The following GRAMD1A variants were observed in gnomAD, a reference collection of about 807,000 sequenced individuals.
GRAMD1A encodes the protein protein Aster-A.
In GRAMD1A, 50 loss-of-function variants were observed where a neutral mutation model predicts 92.0. That is an observed-to-expected ratio of 0.54 (90% CI 0.43 to 0.69). The LOEUF is 0.69. Among genes scored for constraint, GRAMD1A ranks in the 30% least tolerant of loss-of-function variants. The pLI, the probability that GRAMD1A is intolerant of heterozygous loss-of-function variation, is 0.00. For missense variants in GRAMD1A, 819 were observed against 978.9 expected (o/e 0.84, Z 2.18); for synonymous variants, 405 against 403.6 (o/e 1.00, Z -0.04).
chr19:35,003,425 C>T (rs925250590), intron 1 of GRAMD1A, among the ~76,000 whole-genome samples: 7 of 152,272 alleles, frequency 4.6e-5, no homozygotes, highest in Admixed American at 3.9e-4. Context: ...CCCCCAGGCT[C>T]CTCCCTTCAC....
chr19:35,022,699 TCCC>T (rs1555718199), intron 16 of GRAMD1A, among the ~76,000 whole-genome samples, 198 bp from the exon 17 acceptor site: 2 of 152,030 alleles, frequency 1.3e-5, no homozygotes, highest in South Asian at 2.1e-4. Flanking sequence ...AGAAGCAGGA[TCCC>T]GGGGTTGAGC....
intron 1 of GRAMD1A, among the ~76,000 whole-genome samples, chr19:35,004,656 T>C (rs2014666888): frequency 6.7e-6 from 1 of 150,236 alleles, no homozygotes; most frequent in South Asian, 2.1e-4. Flanking sequence ...AAGGCTGGAG[T>C]TGAGGGTCAG....
chr19:35,017,947 CAG>C (rs2015762221), intron 11 of GRAMD1A, among the ~76,000 whole-genome samples: 1 of 152,152 alleles, frequency 6.6e-6, no homozygotes, highest in East Asian at 1.9e-4. Context: ...ATAGGCCTGA[CAG>C]AGTGGACATT....
chr19:35,012,648 T>C (rs2015321477), intron 7 of GRAMD1A, among the ~76,000 whole-genome samples: 1 of 152,232 alleles, frequency 6.6e-6, no homozygotes, highest in Non-Finnish European at 1.5e-5. Context: ...TTCCCCTTCC[T>C]GGGACTCCGT....
chr19:35,015,777 G>T, intron 10 of GRAMD1A, 47 bp from the exon 11 acceptor site: 1 of 1,587,172 alleles, frequency 6.3e-7, no homozygotes, highest in South Asian at 1.1e-5. Flanking sequence ...CGCAGAGGGA[G>T]GGAGGAGTGG....
chr19:35,019,108 A>G, intron 11 of GRAMD1A, 83 bp from the exon 12 acceptor site: 2 of 869,758 alleles, frequency 2.3e-6, no homozygotes, highest in Non-Finnish European at 3.7e-6. Flanking sequence ...CCCCAGAGAG[A>G]CCTCCCAGAA....
chr19:34,997,991 C>G (rs549103277), upstream of GRAMD1A, among the ~76,000 whole-genome samples: 1 of 149,912 alleles, frequency 6.7e-6, no homozygotes, highest in Admixed American at 6.7e-5. Flanking sequence ...TCGCTTGAAC[C>G]GAGGAGGTGG....
At chr19:35,023,147 G>T (rs2016193762) in intron 17 of GRAMD1A, 89 bp from the exon 18 acceptor site, 1 of 940,792 alleles carries the variant, frequency 1.1e-6, no homozygotes, top group East Asian at 2.4e-5. Flanking sequence ...TGCAATGGGG[G>T]ATAGAGGTGT....
At chr19:34,995,570 GGTTTTTT>G (rs1215504673), upstream of GRAMD1A, among the ~76,000 whole-genome samples, 158 of 80,980 alleles carry the variant, frequency 2.0e-3, 12 homozygotes, top group African/African-American at 7.3e-3. Flanking sequence ...TCAGATCACG[GGTTTTTT>G]TTTTTTTTTT....
rs186535241 is a variant in GRAMD1A at position 35,013,506 on chromosome 19, G to A, written c.720-35G>A. ...TCAGGAGGGTGTATGGGGTCTCAAG[G>A]ACACAGCAGTCCCGCTTCCTCCCCT... On this transcript the variant is annotated intron_variant, in intron 8 of 19. Coordinates refer to ENST00000317991, the MANE Select transcript of GRAMD1A (RefSeq NM_020895.5). The surrounding 1 kb of genome is among the most constrained non-coding windows in gnomAD (Gnocchi z 4.9). The A allele has an allele frequency of 1.3e-6, 2 of 1,585,146 alleles. No individual in the cohort carries two copies. The highest frequency in any genetic ancestry group is 1.3e-5 in the African/African-American group (1 of 74,590).
At chr19:35,012,955 A>T (rs1043175134) in intron 7 of GRAMD1A, 3 of 321,456 alleles carry the variant, frequency 9.3e-6, no homozygotes, top group Non-Finnish European at 1.8e-5. Flanking sequence ...AGCCTGAGCG[A>T]CAGAGCCAGA....
At chr19:35,022,146 G>A (rs66984916) in intron 16 of GRAMD1A, 108 bp downstream of exon 16, 116,917 of 736,800 alleles carry the variant, frequency 0.16, 10,062 homozygotes, top group African/African-American at 0.24. Flanking sequence ...AAGTGGGAGC[G>A]TGGGTTTGCT....
intron 1 of GRAMD1A, among the ~76,000 whole-genome samples, chr19:35,005,163 C>T (rs899846597): frequency 2.0e-5 from 3 of 151,562 alleles, no homozygotes; most frequent in Non-Finnish European, 4.4e-5. Flanking sequence ...GTACGCCAGG[C>T]CCTGCTCTAG....
chr19:35,019,608 G>A, intron 13 of GRAMD1A, 75 bp downstream of exon 13: 2 of 1,420,734 alleles, frequency 1.4e-6, no homozygotes, highest in Non-Finnish European at 2.0e-6. Context: ...CAAGTCAGCA[G>A]CAGAGCCTTG....
upstream of GRAMD1A, among the ~76,000 whole-genome samples, chr19:34,996,519 A>C (rs1204014995): frequency 6.6e-6 from 1 of 152,208 alleles, no homozygotes; most frequent in Non-Finnish European, 1.5e-5. Context: ...GTAAGAGTGG[A>C]GGGGAAGCCG....
In GRAMD1A at chr19:35,013,360, C is replaced by T. The variant is rs373458776; in HGVS notation, c.711C>T (p.Asn237=). The T allele has an allele frequency of 4.0e-4, 621 of 1,552,036 alleles. No individual in the cohort carries two copies. The highest frequency in any genetic ancestry group is 5.0e-4 in the Non-Finnish European group (576 of 1,143,850). Residue 237 remains asparagine (N), a synonymous_variant, in exon 8 of 20, where the codon AAC becomes AAT. Transcript: ENST00000317991. This position sits in a 1 kb window ranked among gnomAD's most constrained non-coding sequence, Gnocchi z 4.9. ...ACTATGTCTCCCCCTTGCAGCTGAACGGTCTGGGGTGAGTTGGAGGTCAAA... is the reference window on the plus strand; with the variant it reads ...ACTATGTCTCCCCCTTGCAGCTGAATGGTCTGGGGTGAGTTGGAGGTCAAA... ...DEDYVSPLQL[N]GLGTPKEVGD...
rs73597439 is a variant in GRAMD1A, at chr19:35,021,219, C to T, written c.1476-283C>T. ...GTTCAGGGGCATGGTCTGGTTAAGA[C>T]GTCAGTCTGTGAGTAGACAGGGCTC... On this transcript the variant is annotated intron_variant, in intron 13 of 19. Transcript: ENST00000317991. This position sits in a 1 kb window ranked among gnomAD's most constrained non-coding sequence, Gnocchi z 5.3. Among the ~76,000 whole-genome samples, 5,504 of 152,202 alleles carry T rather than the reference C, an allele frequency of 0.036. 336 individuals are homozygous for T. Among genetic ancestry groups the T allele is most frequent in the African/African-American group, 0.13 (5,239 of 41,496 alleles).
At chr19:35,001,441 T>A (rs536637144) in intron 1 of GRAMD1A, among the ~76,000 whole-genome samples, 164 of 152,246 alleles carry the variant, frequency 1.1e-3, no homozygotes, top group African/African-American at 3.8e-3. Flanking sequence ...TTGGGCTGTG[T>A]GTGTTTTACC....
At chr19:35,023,795 G>A (rs976047637) in intron 19 of GRAMD1A, 8 of 422,450 alleles carry the variant, frequency 1.9e-5, no homozygotes, top group Non-Finnish European at 3.4e-5. Context: ...GGCACGGCCG[G>A]GTTTGGTCAC....
Sources: allele counts gnomAD v4.1 joint callset (sites outside exome capture counted in the v4.1 genomes callset), GRCh38; gene constraint gnomAD v4.1.1; non-coding constraint Gnocchi (gnomAD v3.1); transcripts MANE v1.5; gene names NCBI Gene and HGNC (gene_info 2026-07-23, HGNC 2026-07-21).